Variants in MYO1H observed in about 807,000 individuals in gnomAD.
MYO1H encodes myosin IH.
A neutral mutation model predicts 149.3 loss-of-function variants in MYO1H; 118 were observed. The observed-to-expected ratio is 0.79, with a 90% CI of 0.68 to 0.92. The LOEUF (loss-of-function observed/expected upper bound fraction) is 0.92, where lower values mean the gene tolerates loss of function less well. Among genes scored for constraint, MYO1H ranks in the 40% least tolerant of loss-of-function variants. The pLI, the probability that MYO1H is intolerant of heterozygous loss-of-function variation, is 0.00. For missense variants in MYO1H, 1,212 were observed against 1,280.7 expected, an observed-to-expected ratio of 0.95 and a Z score of 0.82; for synonymous variants, 447 against 465.2, an observed-to-expected ratio of 0.96 and a Z score of 0.50.
At chr12:109,318,912 G>C in the MYO1H span, among the ~76,000 whole-genome samples, 1 of 150,968 alleles carries the variant, frequency 6.6e-6, no homozygotes, top group South Asian at 2.1e-4. Flanking sequence ...TGATGGGCGG[G>C]AGTGAGGGGA....
At chr12:109,397,103 A>G (rs1023185794) in intron 4 of MYO1H, among the ~76,000 whole-genome samples, 4 of 152,082 alleles carry the variant, frequency 2.6e-5, no homozygotes, top group African/African-American at 9.7e-5. Context: ...TGCTGTAATT[A>G]CAGGCGTGAG....
intron 23 of MYO1H, among the ~76,000 whole-genome samples, chr12:109,439,363 G>A (rs1401878147): frequency 1.3e-5 from 2 of 152,210 alleles, no homozygotes; most frequent in Non-Finnish European, 2.9e-5. Context: ...ACAGGCATGA[G>A]CCACCATGCC....
the MYO1H span, among the ~76,000 whole-genome samples, chr12:109,310,660 T>C: frequency 6.6e-6 from 1 of 152,032 alleles, no homozygotes; most frequent in Non-Finnish European, 1.5e-5. Flanking sequence ...AACTCAGGGC[T>C]CCCCTGGACT....
chr12:109,421,125 T>C (rs1871158354), intron 16 of MYO1H, 98 bp downstream of exon 16: 12 of 742,268 alleles, frequency 1.6e-5, no homozygotes, highest in South Asian at 1.5e-4. Context: ...TTTTTTTTTT[T>C]CCATGCATCG....
intron 15 of MYO1H, among the ~76,000 whole-genome samples, chr12:109,417,575 C>T (rs1415529839): frequency 1.3e-5 from 2 of 152,126 alleles, no homozygotes; most frequent in Non-Finnish European, 2.9e-5. Context: ...GATGCACCCA[C>T]CTTGGCCTCC....
chr12:109,313,076 C>CA, the MYO1H span, among the ~76,000 whole-genome samples: 11 of 151,152 alleles, frequency 7.3e-5, no homozygotes, highest in Non-Finnish European at 8.9e-5. Context: ...TTTGTCTCTA[C>CA]AAAAAAAATA....
the MYO1H span, among the ~76,000 whole-genome samples, chr12:109,318,750 T>C: frequency 6.6e-6 from 1 of 152,150 alleles, no homozygotes; most frequent in Admixed American, 6.5e-5. Context: ...TGGGTGGGCA[T>C]GAATGCAGTG....
intron 15 of MYO1H, among the ~76,000 whole-genome samples, chr12:109,417,838 C>G (rs184498171): frequency 1.2e-3 from 176 of 150,166 alleles, no homozygotes; most frequent in African/African-American, 3.6e-3. Flanking sequence ...TTTTTTGAGA[C>G]GGAGTCTCGC....
At chr12:109,384,436 T>C (rs1041615624) in intron 1 of MYO1H, among the ~76,000 whole-genome samples, 1 of 152,246 alleles carries the variant, frequency 6.6e-6, no homozygotes, top group Admixed American at 6.5e-5. Context: ...GCTCTCTTTA[T>C]AAGTCTCTTA....
At chr12:109,328,434 G>A in the MYO1H span, among the ~76,000 whole-genome samples, 17 of 152,022 alleles carry the variant, frequency 1.1e-4, no homozygotes, top group East Asian at 5.8e-4. Flanking sequence ...GGGCTCAAGC[G>A]GTCCTCCCAC....
rs189969106 is a variant in MYO1H, at chr12:109,359,690, G to A, written c.12+11718G>A. ...GGCTATATGTGTAATGGATTGTAGC[G>A]CATTAAAATGTTTTATTTTGCGCAC... On this transcript the variant is annotated intron_variant, in intron 1 of 31. Transcript: ENST00000310903. Among the ~76,000 whole-genome samples the A allele has an allele frequency of 3.7e-3, 556 of 152,304 alleles. 5 individuals carry two copies. The highest frequency in any genetic ancestry group is 0.01 in the South Asian group (50 of 4,826).
At chr12:109,331,897 A>G in the MYO1H span, among the ~76,000 whole-genome samples, 1 of 152,182 alleles carries the variant, frequency 6.6e-6, no homozygotes, top group South Asian at 2.1e-4. Flanking sequence ...GATCCTCTTG[A>G]AATCTCTTTT....
chr12:109,397,627 T>A, intron 4 of MYO1H, 105 bp from the exon 5 acceptor site: 2 of 812,444 alleles, frequency 2.5e-6, no homozygotes, highest in Non-Finnish European at 3.7e-6. Flanking sequence ...CCTGGCTCCT[T>A]CCGCTCTCTC....
At chr12:109,409,933 TTTAG>T (rs1434739039) in intron 11 of MYO1H, 26 bp from the exon 12 acceptor site, 9 of 1,276,544 alleles carry the variant, frequency 7.1e-6, no homozygotes, top group Non-Finnish European at 9.7e-6. Flanking sequence ...TTCATATAAC[TTTAG>T]TTACTTAAAT....
chr12:109,439,830 C>CGG, intron 24 of MYO1H, 40 bp downstream of exon 24: 1 of 1,570,432 alleles, frequency 6.4e-7, no homozygotes, highest in Non-Finnish European at 8.7e-7. Flanking sequence ...GTAAGTAGCA[C>CGG]GGGCACTGAC....
At chr12:109,401,198 G>A (rs1232210644) in exon 6 of MYO1H, 1 of 1,613,828 alleles carries the variant, frequency 6.2e-7, no homozygotes, top group South Asian at 1.1e-5. Context: ...CCAGCTGCTG[G>A]CAGGTGGCGA....
chr12:109,418,797 G>C (rs7970827), intron 15 of MYO1H, among the ~76,000 whole-genome samples: 26,323 of 152,146 alleles, frequency 0.17, 2,645 homozygotes, highest in African/African-American at 0.27. Context: ...ACCCGCCTCA[G>C]CCTCTCAAAG....
chr12:109,431,909 C>A (rs969031844), intron 19 of MYO1H, among the ~76,000 whole-genome samples: 3 of 151,674 alleles, frequency 2.0e-5, no homozygotes, highest in Admixed American at 2.0e-4. Flanking sequence ...CCTCAACCTC[C>A]TGGACTCAAG....
At chr12:109,403,260 T>A (rs1203957367) in intron 6 of MYO1H, among the ~76,000 whole-genome samples, 2 of 152,234 alleles carry the variant, frequency 1.3e-5, no homozygotes, top group East Asian at 3.8e-4. Flanking sequence ...AAAAAAATTT[T>A]TATATCGGTC....
Sources: allele counts gnomAD v4.1 joint callset (sites outside exome capture counted in the v4.1 genomes callset), GRCh38; gene constraint gnomAD v4.1.1; transcripts MANE v1.5; gene names NCBI Gene and HGNC (gene_info 2026-07-23, HGNC 2026-07-21).